ZNF606: variants seen among roughly 807,000 people sequenced by gnomAD.
ZNF606 encodes zinc finger protein 328.
Under a neutral mutation model 74.9 loss-of-function variants are expected in ZNF606, and 37 were observed. The ratio of observed to expected loss-of-function variants is 0.49; its 90% CI spans 0.38 to 0.65. The LOEUF (loss-of-function observed/expected upper bound fraction) is 0.65, where lower values mean the gene tolerates loss of function less well. Among genes scored for constraint, ZNF606 ranks in the 30% least tolerant of loss-of-function variants. The pLI, the probability that ZNF606 is intolerant of heterozygous loss-of-function variation, is 0.00. For synonymous variants in ZNF606, 328 were observed against 312.4 expected (o/e 1.05, Z -0.53); for missense variants, 852 against 952.9 (o/e 0.89, Z 1.39).
intron 4 of ZNF606, chr19:57,999,078 G>T (rs2073377987): frequency 6.6e-6 from 1 of 152,420 alleles, no homozygotes; most frequent in Non-Finnish European, 1.5e-5. Flanking sequence ...TCTAACTGGA[G>T]TCAGTCTCAC....
chr19:57,984,697 G>C (rs1332147271), intron 6 of ZNF606, among the ~76,000 whole-genome samples: 1 of 152,222 alleles, frequency 6.6e-6, no homozygotes, highest in Non-Finnish European at 1.5e-5. Flanking sequence ...CAGAATGTCA[G>C]TGAAAATGGC....
At chr19:57,991,810 A>AATAAATAAATAC (rs1446488007) in intron 4 of ZNF606, among the ~76,000 whole-genome samples, 2 of 151,936 alleles carry the variant, frequency 1.3e-5, no homozygotes, top group Non-Finnish European at 1.5e-5. Context: ...TAAATAAATA[A>AATAAATAAATAC]ATGTAATATG....
chr19:57,982,257 C>G (rs886654130), intron 6 of ZNF606, among the ~76,000 whole-genome samples: 2 of 152,130 alleles, frequency 1.3e-5, no homozygotes, highest in African/African-American at 4.8e-5. Context: ...CAGCTCCTTC[C>G]TCCATCTGCA....
At position 57,978,641 on chromosome 19, in the gene ZNF606, T is replaced by C; in HGVS notation, c.2039A>G (p.Tyr680Cys). ...GGATCTTTCACACTGATTACATTTATAGGGTTTCTCACCAGTGTGAATTCT... is the reference window on the plus strand; with the variant it reads ...GGATCTTTCACACTGATTACATTTACAGGGTTTCTCACCAGTGTGAATTCT... The part of the protein sequence containing the change: ...HRRIHTGEKP[Y>C]KCNQCERSFN... The change falls in exon 7 of 7, where the codon TAT becomes TGT. Residue 680 changes from tyrosine to cysteine, a missense_variant. Transcript: ENST00000551380. The surrounding 1 kb of genome is among the most constrained non-coding windows in gnomAD (Gnocchi z 4.4). The C allele has an allele frequency of 6.2e-7, 1 of 1,613,984 alleles. No individual in the cohort carries two copies. Among genetic ancestry groups the C allele is most frequent in the Non-Finnish European group, 8.5e-7 (1 of 1,180,014 alleles).
chr19:58,003,330 G>C (rs1426069342), upstream of ZNF606: 1 of 456,440 alleles, frequency 2.2e-6, no homozygotes, highest in Non-Finnish European at 4.4e-6. Context: ...TACCAGCGAC[G>C]CACCCTGTGA....
At position 57,980,054 on chromosome 19, in the gene ZNF606, C is replaced by T; in HGVS notation, c.626G>A (p.Ser209Asn). The stretch of plus-strand genomic sequence containing the variant: ...TGCCCCAAGTCCACAGAATTCAGAG[C>T]TTCTCTGGGATAGTACTTGCTTTTG... ...FMQKQVLSQRSSEFCGLGAEF... is the reference protein window; with the variant it reads ...FMQKQVLSQRNSEFCGLGAEF... The change falls in exon 7 of 7, where the codon AGC becomes AAC. Residue 209 changes from serine to asparagine, a missense_variant. Transcript: ENST00000551380. 6.2e-7 allele frequency: 1 copy of T among 1,613,668 alleles called. No individual in the cohort carries two copies. The highest frequency in any genetic ancestry group is 8.5e-7 in the Non-Finnish European group (1 of 1,180,034).
At chr19:57,982,093 G>C (rs2073092881) in intron 6 of ZNF606, among the ~76,000 whole-genome samples, 1 of 152,178 alleles carries the variant, frequency 6.6e-6, no homozygotes, top group Non-Finnish European at 1.5e-5. Flanking sequence ...ACAAATTTAT[G>C]ATCTTTCCGT....
chr19:57,990,741 G>C lies in ZNF606; in HGVS notation c.178-2020C>G, dbSNP rs993395324. Reference sequence around the variant, plus strand: ...GAACTGAGTTTGCTGTCTCTGATCTGGGCCAGACCTCCCTGCTGAATTTTC... The same window carrying C: ...GAACTGAGTTTGCTGTCTCTGATCTCGGCCAGACCTCCCTGCTGAATTTTC... On this transcript the variant is annotated intron_variant, in intron 4 of 6. Coordinates refer to ENST00000551380, the MANE Select transcript of ZNF606 (RefSeq NM_001348022.3). Among the ~76,000 whole-genome samples, 21 of 151,832 alleles carry C rather than the reference G, an allele frequency of 1.4e-4. 1 individual carries two copies. The highest frequency in any genetic ancestry group is 4.4e-5 in the Non-Finnish European group (3 of 67,976).
Position 57,980,210 on chromosome 19 carries a change from T to C in ZNF606, c.470A>G (p.His157Arg). Residue 157 changes from histidine to arginine, a missense_variant, in exon 7 of 7, where the codon CAT becomes CGT. By Grantham distance (29) the His-to-Arg change is conservative. Coordinates refer to ENST00000551380, the MANE Select transcript of ZNF606 (RefSeq NM_001348022.3). ...TATATATCTTTCCAACTTCATGCCA[T>C]GGGATTGTTCTTCCTCAAAAATGCT... ...AQSIFEEEQS[H>R]GMKLERYIWD... 1.2e-6 allele frequency: 2 copies of C among 1,614,114 alleles called. No homozygotes were observed. The highest frequency in any genetic ancestry group is 1.1e-5 in the South Asian group (1 of 91,084).
rs1403968890 is a variant in ZNF606, at chr19:57,978,527, T to G, written c.2153A>C (p.Asn718Thr). Reference protein sequence around the residue: ...YRCNECGKAFNESSSLIVHLR... With the variant: ...YRCNECGKAFTESSSLIVHLR... ...GTGTACAATAAGGGATGAACTCTCA[T>G]TAAATGCTTTCCCACATTCATTACA... Residue 718 changes from asparagine to threonine, a missense_variant, in exon 7 of 7, where the codon AAT (asparagine) becomes ACT (threonine). Asn to Thr is a moderately conservative substitution (Grantham distance 65). Transcript: ENST00000551380. This position sits in a 1 kb window ranked among gnomAD's most constrained non-coding sequence, Gnocchi z 4.4. 6.2e-7 allele frequency: 1 copy of G among 1,614,148 alleles called. No homozygotes were observed.
At chr19:57,986,737 T>A (rs557173251) in intron 6 of ZNF606, among the ~76,000 whole-genome samples, 56 of 152,148 alleles carry the variant, frequency 3.7e-4, no homozygotes, top group Non-Finnish European at 6.2e-4. Flanking sequence ...AGTTTTGGTA[T>A]ACTATTAATA....
At chr19:57,990,287 C>G (rs1467942366) in intron 4 of ZNF606, among the ~76,000 whole-genome samples, 1 of 151,438 alleles carries the variant, frequency 6.6e-6, no homozygotes, top group East Asian at 2.0e-4. Flanking sequence ...ATGGCGTGAA[C>G]CCAGGAGGCG....
intron 4 of ZNF606, 144 bp downstream of exon 4, chr19:57,999,664 T>G: frequency 2.5e-6 from 2 of 796,686 alleles, no homozygotes; most frequent in Non-Finnish European, 4.1e-6. Flanking sequence ...TAATTCTCCC[T>G]ACCTGCTCTC....
At chr19:57,987,690 TG>T (rs1468292744) in intron 6 of ZNF606, among the ~76,000 whole-genome samples, 4 of 151,868 alleles carry the variant, frequency 2.6e-5, no homozygotes, top group Non-Finnish European at 5.9e-5. Context: ...TAGCCAGGCA[TG>T]GTGGCGGGTG....
rs543031457 is a variant in ZNF606 at position 57,988,575 on chromosome 19, T to C, written c.304+20A>G. On this transcript the variant is annotated intron_variant, in intron 5 of 6. Coordinates refer to ENST00000551380, the MANE Select transcript of ZNF606 (RefSeq NM_001348022.3). ...TTACCATGGGAACAGCTTCGTTTAC[T>C]TGGGCAGCACCTGCCTTACCCACAG... 1.2e-6 allele frequency: 2 copies of C among 1,607,304 alleles called. No individual in the cohort carries two copies. The highest frequency in any genetic ancestry group is 2.2e-5 in the East Asian group (1 of 44,756).
At position 57,980,188 on chromosome 19, in the gene ZNF606, A is replaced by G. The variant is rs1291952879; in HGVS notation, c.492T>C (p.Tyr164=). 5 of 1,614,026 alleles carry G rather than the reference A, an allele frequency of 3.1e-6. No individual in the cohort carries two copies. The highest frequency in any genetic ancestry group is 1.3e-5 in the African/African-American group (1 of 74,938). The part of the protein sequence containing the change: ...EQSHGMKLER[Y]IWDDPWFSRL... The stretch of plus-strand genomic sequence containing the variant: ...TGGAGAACCAAGGATCATCCCATAT[A>G]TATCTTTCCAACTTCATGCCATGGG... The change falls in exon 7 of 7, where the codon TAT becomes TAC. Residue 164 remains tyrosine, a synonymous_variant. Transcript: ENST00000551380.
intron 4 of ZNF606, among the ~76,000 whole-genome samples, chr19:57,995,115 C>T (rs555848204): frequency 1.0e-4 from 15 of 150,390 alleles, no homozygotes; most frequent in Non-Finnish European, 1.8e-4. Flanking sequence ...CACTTGAACC[C>T]GCGAGGCAAG....
At chr19:57,999,991 C>T in intron 3 of ZNF606, 95 bp from the exon 4 acceptor site, 1 of 1,095,120 alleles carries the variant, frequency 9.1e-7, no homozygotes, top group Non-Finnish European at 1.3e-6. Context: ...GCCCCTCCCC[C>T]TTGAATGAGG....
rs774269762 is a variant in ZNF606 at position 58,000,077 on chromosome 19, G to C, written c.89-181C>G. On this transcript the variant is annotated intron_variant, in intron 3 of 6. Coordinates refer to ENST00000551380, the MANE Select transcript of ZNF606 (RefSeq NM_001348022.3). ...AGGTTAGGAAAGTACCTAAACACAT[G>C]AATCTCTCATTGGCCCCCCCTGTGC... The C allele has an allele frequency of 5.6e-6, 3 of 538,456 alleles. No homozygotes were observed. In the South Asian group the frequency reaches 7.1e-5, roughly 13 times the overall value. 33.4% of individuals were successfully genotyped at this position (538,456 alleles called of 1,614,324 possible). A position where few individuals can be genotyped will look rare whatever the true frequency, so the allele number is the denominator to read the frequency against.
Sources: allele counts gnomAD v4.1 joint callset (sites outside exome capture counted in the v4.1 genomes callset), GRCh38; gene constraint gnomAD v4.1.1; non-coding constraint Gnocchi (gnomAD v3.1); transcripts MANE v1.5; gene names NCBI Gene and HGNC (gene_info 2026-07-23, HGNC 2026-07-21).